The following SLC2A3 variants were observed in gnomAD, a reference collection of about 807,000 sequenced individuals.
The protein encoded by SLC2A3 is solute carrier family 2, facilitated glucose transporter member 3.
SLC2A3 carries 21 observed loss-of-function variants against 46.4 expected under a neutral mutation model. The ratio of observed to expected loss-of-function variants is 0.45; its 90% confidence interval spans 0.32 to 0.65. The LOEUF (loss-of-function observed/expected upper bound fraction) is 0.65. Among genes scored for constraint, SLC2A3 ranks in the 30% least tolerant of loss-of-function variants. The probability of loss-of-function intolerance (pLI) is 0.04; values close to 1 mark genes in which losing one functional copy is unlikely to be tolerated. For synonymous variants in SLC2A3, 213 were observed against 239.4 expected, an observed-to-expected ratio of 0.89 and a Z score of 1.02; for missense variants, 499 against 623.3, an observed-to-expected ratio of 0.80 and a Z score of 2.12.
chr12:7,929,758 C>G lies in SLC2A3; in HGVS notation c.787G>C (p.Val263Leu). ...KQVTVLELFR[V>L]SSYRQPIIIS... ...ATGATGGGCTGTCGGTAGCTGGACA[C>G]TCTAAAGAGCTCTAGCACGGTGACT... Residue 263 changes from valine to leucine, a missense_variant, in exon 6 of 10, where the codon GTG (valine) becomes CTG (leucine). Physicochemically the swap from Val to Leu is conservative, Grantham distance 32. Transcript: ENST00000075120. 6.2e-7 allele frequency: 1 copy of G among 1,613,292 alleles called. No individual in the cohort carries two copies. The highest frequency in any genetic ancestry group is 8.5e-7 in the Non-Finnish European group (1 of 1,179,488).
chr12:7,924,169 T>A (rs1946070389), intron 8 of SLC2A3, among the ~76,000 whole-genome samples: 1 of 152,194 alleles, frequency 6.6e-6, no homozygotes, highest in South Asian at 2.1e-4. Context: ...GATATTATTC[T>A]AAGAATTAAA....
At chr12:7,933,215 A>G in intron 2 of SLC2A3, 68 bp from the exon 3 acceptor site, 8 of 1,527,448 alleles carry the variant, frequency 5.2e-6, no homozygotes, top group Non-Finnish European at 7.2e-6. Flanking sequence ...GACAAACATT[A>G]GGGATCATTT....
chr12:7,934,698 A>C (rs893261141), intron 1 of SLC2A3, among the ~76,000 whole-genome samples: 2 of 148,398 alleles, frequency 1.3e-5, no homozygotes, highest in African/African-American at 2.5e-5. Context: ...CCCCCACCCC[A>C]CCACCCAAAA....
At chr12:7,926,005 A>G (rs1178397447) in intron 6 of SLC2A3, 57 bp from the exon 7 acceptor site, 4 of 1,442,980 alleles carry the variant, frequency 2.8e-6, no homozygotes, top group African/African-American at 1.4e-5. Flanking sequence ...GTTACACAGA[A>G]CCCTCAAAAA....
intron 9 of SLC2A3, among the ~76,000 whole-genome samples, chr12:7,922,502 A>G (rs113424524): frequency 0.043 from 6,516 of 152,162 alleles, 383 homozygotes; most frequent in East Asian, 0.23. Flanking sequence ...GCTTCCATCG[A>G]GCAGGCTAGA....
chr12:7,926,289 C>G (rs887470359), intron 6 of SLC2A3, among the ~76,000 whole-genome samples: 1 of 152,108 alleles, frequency 6.6e-6, no homozygotes, highest in Admixed American at 6.6e-5. Context: ...TGGGTTTTCA[C>G]CTTGTTGGCC....
chr12:7,922,298 C>A (rs988829118), intron 9 of SLC2A3, among the ~76,000 whole-genome samples: 1 of 152,110 alleles, frequency 6.6e-6, no homozygotes, highest in Admixed American at 6.5e-5. Context: ...CTCCTGACCT[C>A]AAGTTATCCA....
At chr12:7,926,697 T>C (rs1447909550) in intron 6 of SLC2A3, among the ~76,000 whole-genome samples, 4 of 152,246 alleles carry the variant, frequency 2.6e-5, no homozygotes, top group Admixed American at 1.3e-4. Flanking sequence ...TTCCCCAAAC[T>C]CTCAAAACAT....
At chr12:7,931,588 T>C (rs76797177) in intron 3 of SLC2A3, 103 bp from the exon 4 acceptor site, 4 of 850,574 alleles carry the variant, frequency 4.7e-6, no homozygotes, top group South Asian at 2.5e-5. Flanking sequence ...ATATCATCCC[T>C]TTTTTTTTTA....
In SLC2A3 at chr12:7,923,158, G is replaced by A. The variant is rs937521362; in HGVS notation, c.1069-134C>T. On this transcript the variant is annotated intron_variant, in intron 8 of 9. Transcript: ENST00000075120. ...CAAAGAGTGGCTGTGGAGTCAAAAG[G>A]CTTGGATTTATTTTTATTTTTATTT... 4 of 876,386 alleles carry A rather than the reference G, an allele frequency of 4.6e-6. No homozygotes were observed. The Admixed American group carries it at 1.2e-4, about 26-fold the overall frequency. The allele number at this position is 876,386 out of a possible 1,614,324, so 54.3% of individuals were successfully genotyped here. A position where few individuals can be genotyped will look rare whatever the true frequency, so the allele number is the denominator to read the frequency against.
chr12:7,929,665 C>A lies in SLC2A3; in HGVS notation c.861+19G>T, dbSNP rs1467987739. The A allele has an allele frequency of 1.2e-6, 2 of 1,612,530 alleles. No homozygotes were observed. Among genetic ancestry groups the A allele is most frequent in the African/African-American group, 1.3e-5 (1 of 74,936 alleles). ...TGAAATACTTTAAGACACGTTTGAC[C>A]CTAAAGTATCACACTCACAGCATTG... is the stretch of plus-strand genomic sequence containing the variant. On this transcript the variant is annotated intron_variant, in intron 6 of 9. Transcript: ENST00000075120.
intron 6 of SLC2A3, chr12:7,929,413 A>AAGTC (rs1946129132): frequency 2.2e-6 from 1 of 457,932 alleles, no homozygotes; most frequent in Non-Finnish European, 3.8e-6. Flanking sequence ...CAGACTGGTA[A>AAGTC]AGTCAGTTCA....
Position 7,921,215 on chromosome 12 carries a change from T to C in SLC2A3, c.*198A>G. ...TCGGTCTCTCCTAAGCAGAAGAGGA[T>C]GTCCAGGAAATAAAATTTAAAAAGC... On this transcript the variant is annotated 3_prime_UTR_variant, in exon 10 of 10. Coordinates refer to ENST00000075120, the MANE Select transcript of SLC2A3 (RefSeq NM_006931.3). The C allele has an allele frequency of 9.1e-7, 1 of 1,102,288 alleles. No individual in the cohort carries two copies. The highest frequency in any genetic ancestry group is 1.3e-6 in the Non-Finnish European group (1 of 779,664). The allele number at this position is 1,102,288 out of a possible 1,614,324, so 68.3% of individuals were successfully genotyped here.
At chr12:7,930,314 C>G (rs1946138685) in intron 5 of SLC2A3, 166 bp downstream of exon 5, 1 of 717,814 alleles carries the variant, frequency 1.4e-6, no homozygotes, top group Middle Eastern at 2.6e-4. Flanking sequence ...GCCTTTTCAC[C>G]TCATTCTTTA....
intron 6 of SLC2A3, among the ~76,000 whole-genome samples, chr12:7,929,192 G>A (rs1946126026): frequency 6.6e-6 from 1 of 152,068 alleles, no homozygotes; most frequent in Admixed American, 6.6e-5. Context: ...TATTTAAAAA[G>A]GTGGGACAAG....
In SLC2A3 at chr12:7,922,870, G is replaced by C. The variant is rs750053341; in HGVS notation, c.1223C>G (p.Ser408Cys). ...RPAAMAVAGC[S>C]NWTSNFLVGL... ...GACTAGGAAGTTGGAGGTCCAGTTGGAGCAGCCGGCCACTGCCATCGCAGC... is the reference window on the plus strand; with the variant it reads ...GACTAGGAAGTTGGAGGTCCAGTTGCAGCAGCCGGCCACTGCCATCGCAGC... The change falls in exon 9 of 10, where the codon TCC (serine) becomes TGC (cysteine). Residue 408 changes from serine (S) to cysteine (C), a missense_variant. Around this residue, in one of 5 missense-constraint regions of SLC2A3, gnomAD observed 179 missense variants for 205.1 expected, o/e 0.87. Coordinates refer to ENST00000075120, the MANE Select transcript of SLC2A3 (RefSeq NM_006931.3). 3.1e-6 allele frequency: 5 copies of C among 1,613,974 alleles called. No individual in the cohort carries two copies. In the African/African-American group the frequency reaches 6.7e-5, roughly 22 times the overall value.
intron 5 of SLC2A3, 75 bp from the exon 6 acceptor site, chr12:7,929,946 A>C: frequency 6.2e-7 from 1 of 1,602,934 alleles, no homozygotes; most frequent in South Asian, 1.1e-5. Context: ...TAAGGCAGCC[A>C]GGAAAGGGCC....
chr12:7,932,839 A>T, intron 3 of SLC2A3, 148 bp downstream of exon 3: 1 of 1,187,162 alleles, frequency 8.4e-7, no homozygotes, highest in South Asian at 1.5e-5. Context: ...GGGCAGTCAT[A>T]TTCGGGGCCA....
intron 7 of SLC2A3, among the ~76,000 whole-genome samples, chr12:7,924,802 C>T (rs202033996): frequency 2.8e-3 from 418 of 148,196 alleles, no homozygotes; most frequent in South Asian, 0.023. Flanking sequence ...CTTGGCAGGA[C>T]GCTAATCTGA....
Sources: allele counts gnomAD v4.1 joint callset (sites outside exome capture counted in the v4.1 genomes callset), GRCh38; gene constraint gnomAD v4.1.1; regional missense constraint gnomAD v4.1.1; transcripts MANE v1.5; gene names NCBI Gene and HGNC (gene_info 2026-07-23, HGNC 2026-07-21).